The following IQCM variants were observed in gnomAD, a reference collection of about 807,000 sequenced individuals.
IQCM encodes IQ domain-containing protein M.
In IQCM, 45 loss-of-function variants were observed where a neutral mutation model predicts 57.6. The observed-to-expected ratio is 0.78, with a 90% CI of 0.62 to 1.00. The LOEUF (loss-of-function observed/expected upper bound fraction) is 1.00. Among genes scored for constraint, IQCM ranks in the 50% least tolerant of loss-of-function variants. The pLI is 0.00. For synonymous variants in IQCM, 148 were observed against 158.9 expected (o/e 0.93, Z 0.51); for missense variants, 468 against 511.6 (o/e 0.91, Z 0.82).
At chr4:149,595,536 TG>T (rs1561037791) in intron 8 of IQCM, among the ~76,000 whole-genome samples, 1 of 152,196 alleles carries the variant, frequency 6.6e-6, no homozygotes, top group Non-Finnish European at 1.5e-5. Context: ...TCTGCCAGGC[TG>T]GGCTATTAAC....
rs138771911 is a variant in IQCM at position 149,496,018 on chromosome 4, G to A, written c.1228+52437C>T. On this transcript the variant is annotated intron_variant, in intron 12 of 13. Coordinates refer to ENST00000636793, the MANE Select transcript of IQCM (RefSeq NM_001363507.2). ...TGCATGAGATTAAGCAAATGGATCAGGTCAATGATATTCTGCAACTGGGCA... is the reference window on the plus strand; with the variant it reads ...TGCATGAGATTAAGCAAATGGATCAAGTCAATGATATTCTGCAACTGGGCA... Among the ~76,000 whole-genome samples the A allele has an allele frequency of 5.4e-3, 827 of 152,220 alleles. 10 individuals carry two copies. Among genetic ancestry groups the A allele is most frequent in the African/African-American group, 0.019 (784 of 41,562 alleles).
chr4:149,712,602 A>G (rs956425199), intron 5 of IQCM, among the ~76,000 whole-genome samples: 7 of 152,184 alleles, frequency 4.6e-5, no homozygotes, highest in Admixed American at 1.3e-4. Context: ...CTGAGGATGG[A>G]AATACAAACA....
chr4:149,527,395 G>A (rs1746265034), intron 12 of IQCM, among the ~76,000 whole-genome samples: 1 of 152,162 alleles, frequency 6.6e-6, no homozygotes, highest in South Asian at 2.1e-4. Flanking sequence ...AGGTAATTAA[G>A]TTTAAATTAA....
At chr4:149,725,384 T>C (rs1463692228) in intron 5 of IQCM, among the ~76,000 whole-genome samples, 3 of 152,224 alleles carry the variant, frequency 2.0e-5, no homozygotes, top group Non-Finnish European at 4.4e-5. Context: ...ATTGGGAATA[T>C]GCTTTAAAAA....
chr4:149,541,117 TC>T (rs900493613), intron 12 of IQCM, among the ~76,000 whole-genome samples: 7 of 152,256 alleles, frequency 4.6e-5, no homozygotes, highest in Admixed American at 3.9e-4. Context: ...ACTATATGTT[TC>T]CCATCTAATA....
intron 7 of IQCM, among the ~76,000 whole-genome samples, chr4:149,658,294 T>G (rs1273572325): frequency 2.6e-5 from 4 of 151,968 alleles, no homozygotes; most frequent in Non-Finnish European, 5.9e-5. Flanking sequence ...GCACTTTTGT[T>G]GAAAATCAGT....
At chr4:149,358,753 C>A (rs1173373104) in intron 13 of IQCM, among the ~76,000 whole-genome samples, 2 of 111,166 alleles carry the variant, frequency 1.8e-5, no homozygotes, top group Non-Finnish European at 4.0e-5. Flanking sequence ...ATTTGAAATG[C>A]CAAGCCAGTT....
intron 12 of IQCM, among the ~76,000 whole-genome samples, chr4:149,469,005 A>C (rs1739192687): frequency 6.6e-6 from 1 of 152,172 alleles, no homozygotes; most frequent in Non-Finnish European, 1.5e-5. Flanking sequence ...AGGTAGACAA[A>C]ACCACAAAGA....
At chr4:149,467,650 G>C (rs1738999718) in intron 12 of IQCM, among the ~76,000 whole-genome samples, 1 of 152,320 alleles carries the variant, frequency 6.6e-6, no homozygotes, top group Admixed American at 6.5e-5. Flanking sequence ...GAAATTTCAA[G>C]GTCTTGCTAT....
At chr4:149,426,850 C>T (rs867395949) in intron 13 of IQCM, among the ~76,000 whole-genome samples, 1 of 151,872 alleles carries the variant, frequency 6.6e-6, no homozygotes, top group Non-Finnish European at 1.5e-5. Flanking sequence ...ACACCTGATA[C>T]ACTATGAAGA....
chr4:149,595,387 A>G (rs555162798), intron 8 of IQCM, among the ~76,000 whole-genome samples: 2 of 152,284 alleles, frequency 1.3e-5, no homozygotes, highest in South Asian at 4.1e-4. Flanking sequence ...CCCTACCAGA[A>G]ACATTAATAA....
At chr4:149,800,693 G>T (rs10023718) in intron 2 of IQCM, among the ~76,000 whole-genome samples, 19,151 of 151,870 alleles carry the variant, frequency 0.13, 2,600 homozygotes, top group African/African-American at 0.3. Flanking sequence ...ATTTCTATAT[G>T]CCAACAGAGA....
At chr4:149,617,136 G>T (rs1755864666) in intron 8 of IQCM, among the ~76,000 whole-genome samples, 1 of 151,872 alleles carries the variant, frequency 6.6e-6, no homozygotes, top group Admixed American at 6.6e-5. Context: ...TGTATTTTTA[G>T]TAGAGACAGG....
chr4:149,601,117 G>A (rs1754240942), intron 8 of IQCM, among the ~76,000 whole-genome samples: 1 of 152,250 alleles, frequency 6.6e-6, no homozygotes, highest in East Asian at 1.9e-4. Flanking sequence ...AATTTATGGA[G>A]AATCTTTTAA....
chr4:149,717,094 T>C (rs1400596940), intron 5 of IQCM, among the ~76,000 whole-genome samples: 9 of 152,190 alleles, frequency 5.9e-5, no homozygotes, highest in Admixed American at 5.9e-4. Flanking sequence ...TATCAACAAA[T>C]TGGTAAACTT....
At chr4:149,361,087 A>G (rs6535678) in intron 13 of IQCM, among the ~76,000 whole-genome samples, 42,896 of 152,088 alleles carry the variant, frequency 0.28, 6,190 homozygotes, top group Middle Eastern at 0.33. Flanking sequence ...CTCTTGTTAC[A>G]TTTTAGCAAA....
chr4:149,689,540 T>A (rs1005419947), intron 5 of IQCM, among the ~76,000 whole-genome samples: 1 of 151,916 alleles, frequency 6.6e-6, no homozygotes, highest in African/African-American at 2.4e-5. Flanking sequence ...ACTTAAAGTA[T>A]AATAATAAAA....
intron 12 of IQCM, among the ~76,000 whole-genome samples, chr4:149,544,031 CA>C (rs577252690): frequency 1.5e-3 from 226 of 152,150 alleles, no homozygotes; most frequent in African/African-American, 5.2e-3. Flanking sequence ...GAACTCCAAA[CA>C]TACAATGAAG....
At chr4:149,685,478 T>C (rs1762482389) in intron 6 of IQCM, among the ~76,000 whole-genome samples, 1 of 151,494 alleles carries the variant, frequency 6.6e-6, no homozygotes. Flanking sequence ...TATATTTCAC[T>C]CTTTCAAATC....
Sources: allele counts gnomAD v4.1 joint callset (sites outside exome capture counted in the v4.1 genomes callset), GRCh38; gene constraint gnomAD v4.1.1; transcripts MANE v1.5; gene names NCBI Gene and HGNC (gene_info 2026-07-23, HGNC 2026-07-21).